The following FBN3 variants were observed in gnomAD, a reference collection of about 807,000 sequenced individuals.
FBN3 encodes the protein fibrillin 3.
In FBN3, 234 loss-of-function variants were observed where a neutral mutation model predicts 330.1. That is an observed-to-expected ratio of 0.71 (90% CI 0.64 to 0.79). The LOEUF is 0.79. FBN3 is among the 30% of genes least tolerant of loss of function. FBN3 has a pLI of 0.00. For missense variants in FBN3, 3,606 were observed against 3,886.9 expected (o/e 0.93, Z 1.92); for synonymous variants, 1,458 against 1,517.3 (o/e 0.96, Z 0.91).
chr19:8,123,667 G>A, intron 23 of FBN3, 78 bp from the exon 24 acceptor site: 1 of 1,601,600 alleles, frequency 6.2e-7, no homozygotes, highest in South Asian at 1.1e-5. Flanking sequence ...TGGGTTCTTA[G>A]TGCCTCGCCT....
rs757915707 is a variant in FBN3, at chr19:8,118,961, AT to A, written c.3272del (p.Asp1091ValfsTer14). 6.2e-7 allele frequency: 1 copy of A among 1,613,086 alleles called. No homozygotes were observed. The highest frequency in any genetic ancestry group is 1.1e-5 in the South Asian group (1 of 91,052). Reference sequence around the variant, plus strand: ...GGGGACACTGGCACTTGTAGCTCCCATCCGTGTTGGTGCAAGTGCCTCCCCG... The same window carrying A: ...GGGGACACTGGCACTTGTAGCTCCCACCGTGTTGGTGCAAGTGCCTCCCCG... ...LCRGGTCTNTDGSYKCQCPPG... is the reference protein window; with the variant it reads ...LCRGGTCTNTXGSYKCQCPPG... On this transcript the variant is annotated frameshift_variant, in exon 26 of 64. Transcript: ENST00000600128. LOFTEE classifies it high-confidence loss of function.
intron 47 of FBN3, among the ~76,000 whole-genome samples, chr19:8,093,539 C>T (rs891307028): frequency 2.6e-5 from 4 of 152,130 alleles, no homozygotes; most frequent in Non-Finnish European, 1.5e-5. Context: ...AGGAGAATGG[C>T]GTGAACCTGG....
At position 8,125,945 on chromosome 19, in the gene FBN3, C is replaced by T. The variant is rs201219606; in HGVS notation, c.2678G>A (p.Arg893His). The stretch of plus-strand genomic sequence containing the variant: ...CATCAGGCCCTCTGGACACTCACAG[C>T]GGAAAGACCCAGCAGTGTTGACGCA... Reference protein sequence around the residue: ...GRCVNTAGSFRCECPEGLMLD... With the variant: ...GRCVNTAGSFHCECPEGLMLD... Residue 893 changes from arginine to histidine, a missense_variant, in exon 22 of 64, where the codon CGC becomes CAC. Physicochemically the swap from Arg to His is conservative, Grantham distance 29 (BLOSUM62 0). Coordinates refer to ENST00000600128, the MANE Select transcript of FBN3 (RefSeq NM_032447.5). 62 of 1,613,870 alleles carry T rather than the reference C, an allele frequency of 3.8e-5. No individual in the cohort carries two copies. The highest frequency in any genetic ancestry group is 4.5e-5 in the Non-Finnish European group (53 of 1,180,006).
intron 9 of FBN3, 26 bp downstream of exon 9, chr19:8,138,386 C>T (rs2083336863): frequency 1.2e-6 from 2 of 1,610,460 alleles, no homozygotes; most frequent in Admixed American, 1.7e-5. Context: ...TCACCCACAG[C>T]CCTGCAGGCT....
chr19:8,126,769 T>A lies in FBN3; in HGVS notation c.2360A>T (p.Tyr787Phe), dbSNP rs756131176. ...SGVCRNLAGS[Y>F]TCKCGPGSRL... ...GCTGCCAGGGCCACATTTGCAGGTG[T>A]AGGAGCCGGCCAGGTTCCGACAGAC... is the stretch of plus-strand genomic sequence containing the variant. Residue 787 changes from tyrosine to phenylalanine, a missense_variant, in exon 19 of 64, where the codon TAC becomes TTC. By Grantham distance (22) the Tyr-to-Phe change is conservative. Transcript: ENST00000600128. 6.3e-7 allele frequency: 1 copy of A among 1,594,956 alleles called. No homozygotes were observed. The highest frequency in any genetic ancestry group is 8.5e-7 in the Non-Finnish European group (1 of 1,171,722).
At chr19:8,078,518 T>A (rs2081695770) in intron 59 of FBN3, among the ~76,000 whole-genome samples, 1 of 152,048 alleles carries the variant, frequency 6.6e-6, no homozygotes, top group Admixed American at 6.6e-5. Flanking sequence ...GCTCCACGGA[T>A]GTTACCCATG....
chr19:8,133,605 C>CACT (rs2144985031), intron 13 of FBN3, among the ~76,000 whole-genome samples: 1 of 152,218 alleles, frequency 6.6e-6, no homozygotes, highest in East Asian at 2.0e-4. Context: ...CATGTACCAC[C>CACT]ACGCCCGGCT....
In FBN3 at chr19:8,066,306, G is replaced by C. The variant is rs147506230; in HGVS notation, c.8089-46C>G. The C allele has an allele frequency of 3.1e-4, 430 of 1,392,584 alleles. No individual in the cohort carries two copies. The African/African-American group carries it at 5.2e-3, about 17-fold the overall frequency. 86.3% of individuals were successfully genotyped at this position (1,392,584 alleles called of 1,614,324 possible). ...TGTGGTCAGAGCCCAGGAGAATCGG[G>C]ATGTGGTGTGGGTAGGGGGTCCTCG... On this transcript the variant is annotated intron_variant, in intron 63 of 63. Transcript: ENST00000600128.
In FBN3 at chr19:8,138,261, G is replaced by A. The variant is rs750465219; in HGVS notation, c.1081C>T (p.Pro361Ser). ...TTGGATCCGAAGCCCAGGAGGCCAG[G>A]GAAGAGGCCAGGGTGGCCGGGTAGC... Reference protein sequence around the residue: ...PLLPGHPGLFPGLLGFGSNGM... With the variant: ...PLLPGHPGLFSGLLGFGSNGM... The change falls in exon 10 of 64, where the codon CCT becomes TCT. Residue 361 changes from proline (P) to serine (S), a missense_variant. By Grantham distance (74) the Pro-to-Ser change is moderately conservative. Coordinates refer to ENST00000600128, the MANE Select transcript of FBN3 (RefSeq NM_032447.5). 1.2e-6 allele frequency: 2 copies of A among 1,612,100 alleles called. No homozygotes were observed. The highest frequency in any genetic ancestry group is 1.7e-6 in the Non-Finnish European group (2 of 1,179,454).
intron 13 of FBN3, 23 bp from the exon 14 acceptor site, chr19:8,133,129 G>A (rs1200008704): frequency 1.6e-5 from 25 of 1,553,044 alleles, no homozygotes; most frequent in Admixed American, 3.8e-5. Context: ...GCAGAGGCTG[G>A]GTCCAGGCAG....
chr19:8,117,386 G>A (rs2144868481), intron 27 of FBN3, 78 bp downstream of exon 27: 1 of 1,545,190 alleles, frequency 6.5e-7, no homozygotes, highest in East Asian at 2.4e-5. Context: ...GTGGAGTTGA[G>A]GTGAGGACAG....
intron 5 of FBN3, 23 bp downstream of exon 5, chr19:8,145,820 G>T (rs2145065853): frequency 1.3e-6 from 2 of 1,525,402 alleles, no homozygotes; most frequent in African/African-American, 1.4e-5. Flanking sequence ...GTGCAAAGAG[G>T]GGAGTCCCAT....
chr19:8,114,439 G>T (rs1162489759), intron 30 of FBN3, among the ~76,000 whole-genome samples: 5 of 152,042 alleles, frequency 3.3e-5, no homozygotes, highest in African/African-American at 1.2e-4. Flanking sequence ...AGTAGTGACG[G>T]GGTTTCACCA....
rs144823647 is a variant in FBN3, at chr19:8,102,723, C to T, written c.5089+1G>A. The T allele has an allele frequency of 1.3e-4, 217 of 1,611,802 alleles. No homozygotes were observed. The African/African-American group carries it at 2.5e-3, about 19-fold the overall frequency. ...GAAGAAGGTTGGGGAGGGTTACTCACGACTGATGGGAGTGGGGCAGGCCTC... is the reference window on the plus strand; with the variant it reads ...GAAGAAGGTTGGGGAGGGTTACTCATGACTGATGGGAGTGGGGCAGGCCTC... On this transcript the variant is annotated splice_donor_variant, in intron 40 of 63. Transcript: ENST00000600128. LOFTEE classifies it high-confidence loss of function.
intron 1 of FBN3, chr19:8,148,745 A>G (rs1352661235): frequency 6.6e-6 from 1 of 152,262 alleles, no homozygotes; most frequent in African/African-American, 2.4e-5. Flanking sequence ...CTCTGGGCCA[A>G]CCTGGTTGTC....
intron 8 of FBN3, among the ~76,000 whole-genome samples, chr19:8,139,821 T>C (rs982690490): frequency 6.6e-6 from 1 of 151,904 alleles, no homozygotes; most frequent in Non-Finnish European, 1.5e-5. Flanking sequence ...AAACCTTGGC[T>C]GGTGGCCCAC....
chr19:8,113,950 C>A (rs1438148873), intron 30 of FBN3, among the ~76,000 whole-genome samples: 1 of 151,596 alleles, frequency 6.6e-6, no homozygotes, highest in Admixed American at 6.6e-5. Flanking sequence ...ATGATTGTGT[C>A]ACTGCACTCC....
In FBN3 at chr19:8,091,492, G is replaced by A. The variant is rs773629399; in HGVS notation, c.6004C>T (p.Leu2002Phe). The A allele has an allele frequency of 3.1e-6, 5 of 1,614,212 alleles. No individual in the cohort carries two copies. Among genetic ancestry groups the A allele is most frequent in the African/African-American group, 1.3e-5 (1 of 75,052 alleles). The change falls in exon 48 of 64, where the codon CTC becomes TTC. Residue 2002 changes from leucine to phenylalanine, a missense_variant. By Grantham distance (22) the Leu-to-Phe change is conservative. Coordinates refer to ENST00000600128, the MANE Select transcript of FBN3 (RefSeq NM_032447.5). ...AAGCAACGGTGCCCATTGTCAGAGAGGACAAAGCCAGGTGGGCAGAGGCAC... is the reference window on the plus strand; with the variant it reads ...AAGCAACGGTGCCCATTGTCAGAGAAGACAAAGCCAGGTGGGCAGAGGCAC... ...FQCLCPPGFVLSDNGHRCFDT... is the reference protein window; with the variant it reads ...FQCLCPPGFVFSDNGHRCFDT...
At position 8,121,187 on chromosome 19, in the gene FBN3, C is replaced by T. The variant is rs1321211027; in HGVS notation, c.3211+71G>A. 4.9e-6 allele frequency: 7 copies of T among 1,425,436 alleles called. No individual in the cohort carries two copies. Among genetic ancestry groups the T allele is most frequent in the Admixed American group, 2.2e-5 (1 of 46,186 alleles). The allele number at this position is 1,425,436 out of a possible 1,614,324, so 88.3% of individuals were successfully genotyped here. A position where few individuals can be genotyped will look rare whatever the true frequency, so the allele number is the denominator to read the frequency against. On this transcript the variant is annotated intron_variant, in intron 25 of 63. Transcript: ENST00000600128. This position sits in a 1 kb window ranked among gnomAD's most constrained non-coding sequence, Gnocchi z 4.5. ...CCACGTCCACACAGCAACAGCCGTC[C>T]CCACCCTCCCTCTCCTCAATGCCCT...
Sources: gnomAD v4.1 joint callset for allele counts (sites outside exome capture counted in the v4.1 genomes callset) on GRCh38, gnomAD v4.1.1 for gene constraint, Gnocchi (gnomAD v3.1) non-coding constraint, MANE v1.5 for transcripts, NCBI Gene and HGNC (gene_info 2026-07-23, HGNC 2026-07-21) for gene names.